The following CCDC60 variants were observed in gnomAD, a reference collection of about 807,000 sequenced individuals.
CCDC60 encodes the protein coiled-coil domain-containing protein 60.
CCDC60 carries 54 observed loss-of-function variants against 63.5 expected under a neutral mutation model. That is an observed-to-expected ratio of 0.85 (90% confidence interval 0.68 to 1.07). CCDC60 has a LOEUF of 1.07. Among genes scored for constraint, CCDC60 ranks in the 50% least tolerant of loss-of-function variants. The pLI, the probability that CCDC60 is intolerant of heterozygous loss-of-function variation, is 0.00. For missense variants in CCDC60, 651 were observed against 684.3 expected (o/e 0.95, Z 0.54); for synonymous variants, 206 against 238.8 (o/e 0.86, Z 1.27).
At chr12:119,367,902 G>T (rs7967404) in intron 1 of CCDC60, among the ~76,000 whole-genome samples, 18,097 of 146,992 alleles carry the variant, frequency 0.12, 1,901 homozygotes, top group East Asian at 0.55. Context: ...ATATAAAGGG[G>T]TTTTTTTTTT....
intron 1 of CCDC60, among the ~76,000 whole-genome samples, chr12:119,336,151 G>A (rs909761613): frequency 1.3e-5 from 2 of 150,832 alleles, no homozygotes; most frequent in African/African-American, 2.4e-5. Flanking sequence ...GCTAGATGAC[G>A]AGTTAGTGGG....
intron 1 of CCDC60, among the ~76,000 whole-genome samples, chr12:119,366,904 C>T (rs1955846075): frequency 6.6e-6 from 1 of 152,186 alleles, no homozygotes; most frequent in Non-Finnish European, 1.5e-5. Flanking sequence ...ACAGTCTCGG[C>T]TCACTGCAAC....
At chr12:119,407,966 A>G (rs528434782) in intron 1 of CCDC60, among the ~76,000 whole-genome samples, 36 of 152,346 alleles carry the variant, frequency 2.4e-4, no homozygotes, top group African/African-American at 8.2e-4. Flanking sequence ...ATTAAATTAA[A>G]TTAAAAATAA....
chr12:119,399,604 G>C (rs759334547), intron 1 of CCDC60, among the ~76,000 whole-genome samples: 8 of 152,130 alleles, frequency 5.3e-5, no homozygotes, highest in Non-Finnish European at 1.2e-4. Flanking sequence ...AGGGAATCTG[G>C]AACTTGCAGA....
At chr12:119,502,878 C>T (rs747469753) in intron 6 of CCDC60, among the ~76,000 whole-genome samples, 1 of 152,172 alleles carries the variant, frequency 6.6e-6, no homozygotes, top group Non-Finnish European at 1.5e-5. Flanking sequence ...TCAAAAATTA[C>T]ATTGATTTTA....
chr12:119,524,604 G>A (rs1405900395), intron 11 of CCDC60: 1 of 238,468 alleles, frequency 4.2e-6, no homozygotes, highest in East Asian at 1.8e-4. Flanking sequence ...TAGCACACAG[G>A]GGTCTGGATG....
intron 2 of CCDC60, chr12:119,433,634 AGAT>A: frequency 4.3e-6 from 3 of 699,746 alleles, no homozygotes. Context: ...TTGTTAACAA[AGAT>A]GATGTTGACT....
intron 1 of CCDC60, among the ~76,000 whole-genome samples, chr12:119,416,308 G>T (rs1956697857): frequency 6.6e-6 from 1 of 150,926 alleles, no homozygotes; most frequent in Admixed American, 6.6e-5. Context: ...GAACCCAGGA[G>T]GCAGAGGTTA....
At chr12:119,373,833 T>C (rs1046290422) in intron 1 of CCDC60, among the ~76,000 whole-genome samples, 1 of 152,350 alleles carries the variant, frequency 6.6e-6, no homozygotes, top group East Asian at 1.9e-4. Flanking sequence ...ATGTGGATGA[T>C]TGACTACATT....
chr12:119,536,911 G>A (rs1263596560), intron 13 of CCDC60, among the ~76,000 whole-genome samples: 3 of 152,128 alleles, frequency 2.0e-5, no homozygotes, highest in Non-Finnish European at 4.4e-5. Context: ...TTCTCAAGGA[G>A]TATCTTTGTG....
intron 2 of CCDC60, among the ~76,000 whole-genome samples, chr12:119,462,809 T>TTTAC (rs1950880784): frequency 1.3e-5 from 2 of 150,154 alleles, no homozygotes; most frequent in African/African-American, 4.9e-5. Flanking sequence ...TATTTATTTA[T>TTTAC]TTATTTATTT....
chr12:119,360,602 A>T (rs903988850), intron 1 of CCDC60, among the ~76,000 whole-genome samples: 5 of 151,064 alleles, frequency 3.3e-5, no homozygotes, highest in African/African-American at 2.4e-5. Context: ...GGCACTCCTC[A>T]CATCCCAAAC....
intron 2 of CCDC60, among the ~76,000 whole-genome samples, chr12:119,429,889 C>T (rs1956966347): frequency 6.6e-6 from 1 of 152,048 alleles, no homozygotes; most frequent in Non-Finnish European, 1.5e-5. Flanking sequence ...AGTAGCCACA[C>T]TAGAAAAAGT....
At chr12:119,472,912 G>A (rs1951096558) in intron 3 of CCDC60, among the ~76,000 whole-genome samples, 2 of 152,052 alleles carry the variant, frequency 1.3e-5, no homozygotes, top group South Asian at 4.1e-4. Context: ...TCCCCTGGTT[G>A]GAAAAGGACT....
chr12:119,487,683 G>A (rs1328724834), intron 4 of CCDC60, among the ~76,000 whole-genome samples: 3 of 152,068 alleles, frequency 2.0e-5, no homozygotes, highest in African/African-American at 7.2e-5. Context: ...GCACCTCTCT[G>A]AGCCTCAGTT....
At chr12:119,487,297 C>CTT (rs869080467) in intron 4 of CCDC60, among the ~76,000 whole-genome samples, 7 of 139,820 alleles carry the variant, frequency 5.0e-5, no homozygotes, top group Non-Finnish European at 4.7e-5. Context: ...TTGTTGTGAG[C>CTT]TTTTTTTTTT....
At chr12:119,483,158 T>C (rs1951363067) in intron 4 of CCDC60, among the ~76,000 whole-genome samples, 1 of 152,142 alleles carries the variant, frequency 6.6e-6, no homozygotes, top group African/African-American at 2.4e-5. Context: ...GGGGAAAGAC[T>C]TCCCTTCTTG....
chr12:119,506,860 T>C (rs747655079), intron 7 of CCDC60, among the ~76,000 whole-genome samples: 36 of 151,230 alleles, frequency 2.4e-4, no homozygotes, highest in African/African-American at 7.3e-5. Context: ...TAAAAGGAGA[T>C]AGGAAAAGCA....
At chr12:119,504,994 C>A in intron 6 of CCDC60, 75 bp from the exon 7 acceptor site, 1 of 1,149,466 alleles carries the variant, frequency 8.7e-7, no homozygotes, top group Non-Finnish European at 1.2e-6. Flanking sequence ...CACCTTCCTC[C>A]TTCCCTCCTT....
Sources: gnomAD v4.1 joint callset for allele counts (sites outside exome capture counted in the v4.1 genomes callset) on GRCh38, gnomAD v4.1.1 for gene constraint, MANE v1.5 for transcripts, NCBI Gene and HGNC (gene_info 2026-07-23, HGNC 2026-07-21) for gene names.